The following NBAS variants were observed in gnomAD, a reference collection of about 807,000 sequenced individuals.
NBAS encodes the protein NBAS subunit of NRZ tethering complex, also known as NAG/BC035112 fusion.
Under a neutral mutation model 302.5 loss-of-function variants are expected in NBAS, and 219 were observed. The ratio of observed to expected loss-of-function variants is 0.72; its 90% CI spans 0.65 to 0.81. The LOEUF is 0.81. NBAS is among the 30% of genes least tolerant of loss of function. The pLI, the probability that NBAS is intolerant of heterozygous loss-of-function variation, is 0.00. For synonymous variants in NBAS, 1,118 were observed against 1,021.6 expected, an observed-to-expected ratio of 1.09 and a Z score of -1.80; for missense variants, 2,932 against 2,841.6, an observed-to-expected ratio of 1.03 and a Z score of -0.72.
At chr2:15,134,526 C>T in the NBAS span, among the ~76,000 whole-genome samples, 1 of 152,126 alleles carries the variant, frequency 6.6e-6, no homozygotes, top group African/African-American at 2.4e-5. Flanking sequence ...AGAACCTCCT[C>T]GAAGGCAAGA....
the NBAS span, among the ~76,000 whole-genome samples, chr2:15,112,146 T>C: frequency 6.6e-6 from 1 of 151,348 alleles, no homozygotes; most frequent in Non-Finnish European, 1.5e-5. Context: ...CATAACTTAC[T>C]ATCACAAAAT....
At chr2:15,357,496 C>T (rs1673678527) in intron 32 of NBAS, among the ~76,000 whole-genome samples, 1 of 152,138 alleles carries the variant, frequency 6.6e-6, no homozygotes. Context: ...GCAGTAGTCC[C>T]TGTACCTATA....
At chr2:15,034,897 C>T in the NBAS span, among the ~76,000 whole-genome samples, 2 of 152,100 alleles carry the variant, frequency 1.3e-5, no homozygotes, top group African/African-American at 2.4e-5. Context: ...TAGACACATA[C>T]AAACACTTCG....
chr2:14,890,591 G>A, the NBAS span: 6 of 152,252 alleles, frequency 3.9e-5, no homozygotes, highest in Admixed American at 6.5e-5. Context: ...GCCGAGGTGC[G>A]GGGGTCACTT....
At chr2:15,069,565 A>G in the NBAS span, among the ~76,000 whole-genome samples, 1 of 152,148 alleles carries the variant, frequency 6.6e-6, no homozygotes, top group Admixed American at 6.5e-5. Flanking sequence ...TCAAAAAAAA[A>G]AAAATGGACC....
At chr2:15,467,584 A>C in intron 18 of NBAS, 80 bp downstream of exon 18, 13 of 1,417,046 alleles carry the variant, frequency 9.2e-6, no homozygotes, top group African/African-American at 1.4e-5. Context: ...AATTTGGACT[A>C]ATTATTACTA....
the NBAS span, among the ~76,000 whole-genome samples, chr2:15,068,989 G>C: frequency 2.0e-5 from 3 of 152,062 alleles, no homozygotes; most frequent in Admixed American, 6.6e-5. Context: ...TGGTTGGGGG[G>C]GCTTAGCATG....
the NBAS span, among the ~76,000 whole-genome samples, chr2:15,109,711 T>A: frequency 6.6e-6 from 1 of 151,994 alleles, no homozygotes; most frequent in Non-Finnish European, 1.5e-5. Context: ...CTCTCTGAGG[T>A]CTCTTTATAA....
chr2:14,889,299 C>T, the NBAS span, among the ~76,000 whole-genome samples: 2 of 152,240 alleles, frequency 1.3e-5, 1 homozygote, highest in Admixed American at 1.3e-4. Context: ...ATGTCTGCTT[C>T]ATTTATCACT....
chr2:15,088,411 T>C, the NBAS span, among the ~76,000 whole-genome samples: 3 of 152,212 alleles, frequency 2.0e-5, no homozygotes, highest in Non-Finnish European at 4.4e-5. Flanking sequence ...TCTGTTTCTC[T>C]GCAAAGGCTC....
chr2:15,226,405 C>T (rs536617405), intron 47 of NBAS, among the ~76,000 whole-genome samples: 1 of 152,152 alleles, frequency 6.6e-6, no homozygotes, highest in South Asian at 2.1e-4. Flanking sequence ...AGAAAACTTA[C>T]TTTTCTTAAG....
chr2:14,861,071 A>G, the NBAS span, among the ~76,000 whole-genome samples: 1 of 152,212 alleles, frequency 6.6e-6, no homozygotes. Context: ...TTACATCTAA[A>G]TGATGCTTAT....
chr2:15,546,450 C>T (rs543854395), intron 6 of NBAS, among the ~76,000 whole-genome samples: 9 of 152,090 alleles, frequency 5.9e-5, no homozygotes, highest in African/African-American at 1.7e-4. Flanking sequence ...GTGTTTCAGT[C>T]GGGCATGGTG....
At chr2:15,230,292 G>C (rs1667326235) in intron 47 of NBAS, among the ~76,000 whole-genome samples, 1 of 151,518 alleles carries the variant, frequency 6.6e-6, no homozygotes, top group Non-Finnish European at 1.5e-5. Flanking sequence ...TATTGGGAAG[G>C]GAAACCCAAA....
chr2:15,137,200 G>GT, the NBAS span, among the ~76,000 whole-genome samples: 1 of 152,152 alleles, frequency 6.6e-6, no homozygotes, highest in Non-Finnish European at 1.5e-5. Flanking sequence ...AAATAAATTT[G>GT]TTTTTTATAA....
intron 35 of NBAS, among the ~76,000 whole-genome samples, chr2:15,342,097 A>T (rs1349000858): frequency 6.6e-6 from 1 of 152,202 alleles, no homozygotes. Context: ...TTATAAAAAT[A>T]AACCACAAGA....
the NBAS span, among the ~76,000 whole-genome samples, chr2:14,960,177 G>A: frequency 6.6e-6 from 1 of 152,210 alleles, no homozygotes; most frequent in Non-Finnish European, 1.5e-5. Flanking sequence ...TAATTCTAGA[G>A]ACTCTTAACA....
At chr2:15,518,017 T>C (rs1019500485) in intron 9 of NBAS, among the ~76,000 whole-genome samples, 1 of 152,122 alleles carries the variant, frequency 6.6e-6, no homozygotes, top group African/African-American at 2.4e-5. Context: ...TATTACATCA[T>C]TCTCTGTACT....
intron 35 of NBAS, among the ~76,000 whole-genome samples, chr2:15,337,755 G>C (rs2148256463): frequency 6.6e-6 from 1 of 152,196 alleles, no homozygotes; most frequent in South Asian, 2.1e-4. Context: ...TTTAATTTGG[G>C]GGGCAGTCTA....
Sources: gnomAD v4.1 joint callset for allele counts (sites outside exome capture counted in the v4.1 genomes callset) on GRCh38, gnomAD v4.1.1 for gene constraint, MANE v1.5 for transcripts, NCBI Gene and HGNC (gene_info 2026-07-23, HGNC 2026-07-21) for gene names.